The following WIF1 variants were observed in gnomAD, a reference collection of about 807,000 sequenced individuals.
WIF1 encodes Wnt inhibitory factor 1.
In WIF1, 35 loss-of-function variants were observed where a neutral mutation model predicts 53.5. The ratio of observed to expected loss-of-function variants is 0.65; its 90% confidence interval spans 0.50 to 0.87. The LOEUF (loss-of-function observed/expected upper bound fraction) is 0.87. Among genes scored for constraint, WIF1 ranks in the 40% least tolerant of loss-of-function variants. The probability of loss-of-function intolerance (pLI) is 0.00; values close to 1 mark genes in which losing one functional copy is unlikely to be tolerated. For synonymous variants in WIF1, 171 were observed against 170.4 expected, an observed-to-expected ratio of 1.00 and a Z score of -0.03; for missense variants, 467 against 476.8, an observed-to-expected ratio of 0.98 and a Z score of 0.19.
chr12:65,115,170 T>C (rs1349366616), intron 2 of WIF1, among the ~76,000 whole-genome samples: 6 of 103,632 alleles, frequency 5.8e-5, no homozygotes, highest in African/African-American at 1.6e-4. Flanking sequence ...TCCTTTGTCA[T>C]TGCTAAAAAA....
chr12:65,068,209 G>C (rs1882717437), intron 4 of WIF1, among the ~76,000 whole-genome samples: 1 of 152,138 alleles, frequency 6.6e-6, no homozygotes, highest in African/African-American at 2.4e-5. Context: ...AGCTTGTATA[G>C]GGATGTGAAA....
At position 65,056,366 on chromosome 12, in the gene WIF1, CTTTTTTTTTTTTTTTT is replaced by C. The variant is rs10584146; in HGVS notation, c.827-256_827-241del. 7.2e-3 allele frequency among the ~76,000 whole-genome samples: 174 copies of C among 24,256 alleles called. 2 individuals carry two copies. The highest frequency in any genetic ancestry group is 0.018 in the African/African-American group (129 of 7,158). 15.9% of individuals were successfully genotyped at this position (24,256 alleles called of 152,430 possible). On this transcript the variant is annotated intron_variant, in intron 7 of 9. Coordinates refer to ENST00000286574, the MANE Select transcript of WIF1 (RefSeq NM_007191.5). ...GTTGCCAAAATGCTGCATTTATATC[CTTTTTTTTTTTTTTTT>C]TTTTTTTTTTTTTTTTTTTTTTAAG...
rs182010844 is a variant in WIF1, at chr12:65,064,838, C to T, written c.730+1803G>A. On this transcript the variant is annotated intron_variant, in intron 6 of 9. Transcript: ENST00000286574. ...TTGACACTCCATTATGCAAACCACACCAACAATGGCCACGCCTACATAAGA... is the reference window on the plus strand; with the variant it reads ...TTGACACTCCATTATGCAAACCACATCAACAATGGCCACGCCTACATAAGA... 2.0e-3 allele frequency among the ~76,000 whole-genome samples: 303 copies of T among 152,280 alleles called. 2 individuals are homozygous for T. The highest frequency in any genetic ancestry group is 7.0e-3 in the African/African-American group (290 of 41,552).
chr12:65,064,047 G>C (rs753954675), intron 6 of WIF1, among the ~76,000 whole-genome samples: 2 of 152,162 alleles, frequency 1.3e-5, no homozygotes, highest in Non-Finnish European at 2.9e-5. Context: ...TATTGCTAAG[G>C]CTGGACAGTT....
intron 9 of WIF1, among the ~76,000 whole-genome samples, chr12:65,053,577 A>G (rs1882476754): frequency 6.6e-6 from 1 of 152,142 alleles, no homozygotes; most frequent in Admixed American, 6.6e-5. Context: ...CCACGATTGT[A>G]AGTTTCCTGA....
intron 7 of WIF1, among the ~76,000 whole-genome samples, chr12:65,060,328 G>T (rs1882593776): frequency 6.6e-6 from 1 of 152,142 alleles, no homozygotes; most frequent in Non-Finnish European, 1.5e-5. Flanking sequence ...ACAAAATGTG[G>T]TAAATCCATA....
intron 1 of WIF1, among the ~76,000 whole-genome samples, 182 bp downstream of exon 1, chr12:65,120,862 G>A (rs1015345901): frequency 1.3e-5 from 2 of 152,212 alleles, no homozygotes; most frequent in African/African-American, 4.8e-5. Context: ...CACTAGATCA[G>A]CTTTGGTTTC....
chr12:65,089,587 C>T (rs1169213674), intron 2 of WIF1, among the ~76,000 whole-genome samples: 2 of 152,128 alleles, frequency 1.3e-5, no homozygotes, highest in Admixed American at 1.3e-4. Flanking sequence ...GCCTCTTCTC[C>T]CACATCCTGC....
chr12:65,091,209 C>G (rs1883116469), intron 2 of WIF1, among the ~76,000 whole-genome samples: 1 of 151,470 alleles, frequency 6.6e-6, no homozygotes, highest in South Asian at 2.1e-4. Flanking sequence ...GAAAACTCTA[C>G]AGGGCAAAAA....
intron 2 of WIF1, among the ~76,000 whole-genome samples, chr12:65,115,246 C>T (rs1883491614): frequency 1.3e-5 from 2 of 150,350 alleles, no homozygotes; most frequent in South Asian, 2.1e-4. Context: ...TTCCTAGTAC[C>T]TTAGCATATT....
At chr12:65,081,444 A>G (rs898540953) in intron 2 of WIF1, among the ~76,000 whole-genome samples, 4 of 152,164 alleles carry the variant, frequency 2.6e-5, no homozygotes, top group Non-Finnish European at 5.9e-5. Flanking sequence ...ACTGAGAAGC[A>G]TGGAATCTGT....
At chr12:65,120,959 A>C in intron 1 of WIF1, 85 bp downstream of exon 1, 1 of 1,352,498 alleles carries the variant, frequency 7.4e-7, no homozygotes, top group Non-Finnish European at 9.6e-7. Context: ...GTTTTAAAAC[A>C]CAAGAAACGC....
rs1366719386 is a variant in WIF1, at chr12:65,051,344, G to C, written c.*5C>G. 6.2e-7 allele frequency: 1 copy of C among 1,610,894 alleles called. No individual in the cohort carries two copies. Among genetic ancestry groups the C allele is most frequent in the African/African-American group, 1.3e-5 (1 of 74,886 alleles). On this transcript the variant is annotated 3_prime_UTR_variant, in exon 10 of 10. Transcript: ENST00000286574. ...TGTAACTTAAAACGTTTCAGATGTCGGAGTTCACCAGATGTAATTGGATTC... is the reference window on the plus strand; with the variant it reads ...TGTAACTTAAAACGTTTCAGATGTCCGAGTTCACCAGATGTAATTGGATTC...
chr12:65,055,821 C>T (rs901882640), intron 8 of WIF1, among the ~76,000 whole-genome samples: 3 of 152,192 alleles, frequency 2.0e-5, no homozygotes, highest in African/African-American at 4.8e-5. Flanking sequence ...GTAGTTAAAA[C>T]GTTCAGTTGC....
rs184708172 is a variant in WIF1, at chr12:65,059,981, G to A, written c.826+2500C>T. The stretch of plus-strand genomic sequence containing the variant: ...CGGCATCATTCTTGATAGAGGTCAG[G>A]AGAAATGAAAATAAACATGGCATCG... On this transcript the variant is annotated intron_variant, in intron 7 of 9. Transcript: ENST00000286574. Among the ~76,000 whole-genome samples, 8 of 151,584 alleles carry A rather than the reference G, an allele frequency of 5.3e-5. No homozygotes were observed. In the East Asian group the frequency reaches 1.4e-3, roughly 26 times the overall value.
intron 3 of WIF1, among the ~76,000 whole-genome samples, chr12:65,072,301 T>C (rs759453178): frequency 3.3e-5 from 5 of 152,142 alleles, no homozygotes; most frequent in Non-Finnish European, 7.4e-5. Context: ...CCCACTCAAC[T>C]TTCAAGGCCA....
intron 2 of WIF1, among the ~76,000 whole-genome samples, chr12:65,089,203 C>T (rs1409776662): frequency 2.0e-5 from 3 of 152,106 alleles, no homozygotes; most frequent in Non-Finnish European, 4.4e-5. Context: ...CCCAATGAGG[C>T]TGTTCATTTG....
At chr12:65,054,111 A>G (rs988055320) in intron 9 of WIF1, 1 of 78,186 alleles carries the variant, frequency 1.3e-5, no homozygotes, top group African/African-American at 5.0e-5. Context: ...GGGTCTTTCT[A>G]TGTTGCCCAG....
chr12:65,116,347 A>C (rs919197179), intron 2 of WIF1, among the ~76,000 whole-genome samples: 1 of 152,090 alleles, frequency 6.6e-6, no homozygotes, highest in East Asian at 1.9e-4. Context: ...CAGCAGCGGC[A>C]TTAGGTTCCC....
Sources: allele counts gnomAD v4.1 joint callset (sites outside exome capture counted in the v4.1 genomes callset), GRCh38; gene constraint gnomAD v4.1.1; transcripts MANE v1.5; gene names NCBI Gene and HGNC (gene_info 2026-07-23, HGNC 2026-07-21).